The following DMRT1 variants were observed in gnomAD, a reference collection of about 807,000 sequenced individuals.
The protein encoded by DMRT1 is doublesex- and mab-3-related transcription factor 1.
DMRT1 carries 7 observed loss-of-function variants against 32.3 expected under a neutral mutation model. That is an observed-to-expected ratio of 0.22 (90% CI 0.12 to 0.41). The LOEUF is 0.41. DMRT1 is among the 10% of genes least tolerant of loss of function. DMRT1 has a pLI of 1.00. For synonymous variants in DMRT1, 278 were observed against 206.1 expected, an observed-to-expected ratio of 1.35 and a Z score of -2.99; for missense variants, 625 against 500.5, an observed-to-expected ratio of 1.25 and a Z score of -2.37.
chr9:910,963 A>T (rs1008207931), intron 3 of DMRT1, among the ~76,000 whole-genome samples: 6 of 152,144 alleles, frequency 3.9e-5, no homozygotes, highest in African/African-American at 1.4e-4. Flanking sequence ...AGAAAAATAT[A>T]TATCCCTTTA....
At chr9:898,152 C>T (rs1586586002) in intron 3 of DMRT1, among the ~76,000 whole-genome samples, 2 of 150,248 alleles carry the variant, frequency 1.3e-5, no homozygotes, top group East Asian at 4.1e-4. Context: ...CAGGGCCTCA[C>T]TCTGTCATTC....
At chr9:880,524 C>G (rs1038205741) in intron 2 of DMRT1, among the ~76,000 whole-genome samples, 1 of 151,754 alleles carries the variant, frequency 6.6e-6, no homozygotes, top group Non-Finnish European at 1.5e-5. Context: ...GTCAGGAGTT[C>G]GAGACCAGCC....
Position 901,570 on chromosome 9 carries a change from G to A in DMRT1, c.822+7375G>A, listed in dbSNP as rs528855962. Reference sequence around the variant, plus strand: ...TTGAGCTCCTGACCTCAGGTGATCCGCCTGCCTTGGCCTCCCAAAGTGCTG... The same window carrying A: ...TTGAGCTCCTGACCTCAGGTGATCCACCTGCCTTGGCCTCCCAAAGTGCTG... On this transcript the variant is annotated intron_variant, in intron 3 of 4. Transcript: ENST00000382276. Among the ~76,000 whole-genome samples, 17 of 152,162 alleles carry A rather than the reference G, an allele frequency of 1.1e-4. No homozygotes were observed. In the East Asian group the frequency reaches 1.2e-3, roughly 10 times the overall value.
intron 2 of DMRT1, among the ~76,000 whole-genome samples, chr9:870,928 G>A (rs7858889): frequency 0.15 from 22,744 of 151,118 alleles, 1,921 homozygotes; most frequent in African/African-American, 0.22. Context: ...TGCCCAGGCT[G>A]GTTTTAAACT....
intron 2 of DMRT1, among the ~76,000 whole-genome samples, chr9:852,544 C>T (rs763022929): frequency 9.9e-5 from 15 of 152,154 alleles, no homozygotes; most frequent in Non-Finnish European, 1.5e-4. Flanking sequence ...CTGTTTGACA[C>T]AGTACTTAAT....
At chr9:948,843 G>T (rs1370850476) in intron 4 of DMRT1, among the ~76,000 whole-genome samples, 3 of 151,482 alleles carry the variant, frequency 2.0e-5, no homozygotes, top group Non-Finnish European at 4.4e-5. Context: ...ATCACTTGAG[G>T]TCAGGAGTTC....
intron 4 of DMRT1, among the ~76,000 whole-genome samples, chr9:952,652 G>A (rs1278073730): frequency 1.3e-5 from 2 of 152,124 alleles, no homozygotes; most frequent in African/African-American, 2.4e-5. Flanking sequence ...CCTGAGCTTC[G>A]AAGCCAGCCA....
chr9:871,178 C>T (rs1329277757), intron 2 of DMRT1, among the ~76,000 whole-genome samples: 1 of 151,472 alleles, frequency 6.6e-6, no homozygotes, highest in African/African-American at 2.4e-5. Flanking sequence ...GGACTACAGG[C>T]GTGTGCACCA....
chr9:950,401 A>C (rs1398081010), intron 4 of DMRT1, among the ~76,000 whole-genome samples: 1 of 152,122 alleles, frequency 6.6e-6, no homozygotes, highest in Admixed American at 6.6e-5. Flanking sequence ...TCTTGTGAAC[A>C]GTCCCACATT....
At chr9:843,633 C>T (rs1437202881) in intron 1 of DMRT1, among the ~76,000 whole-genome samples, 2 of 152,084 alleles carry the variant, frequency 1.3e-5, no homozygotes, top group Admixed American at 1.3e-4. Context: ...TTTTGGAAGG[C>T]AGTAATCCAC....
chr9:894,596 G>A (rs1371910181), intron 3 of DMRT1: 2 of 305,188 alleles, frequency 6.6e-6, no homozygotes, highest in African/African-American at 4.3e-5. Context: ...ACTTTCGTTG[G>A]GCACCTTAGA....
intron 4 of DMRT1, among the ~76,000 whole-genome samples, chr9:936,534 C>T (rs1459680032): frequency 6.6e-6 from 1 of 152,030 alleles, no homozygotes; most frequent in Non-Finnish European, 1.5e-5. Flanking sequence ...GGTGGATCAC[C>T]TGAGGTCAGG....
At chr9:844,209 C>A (rs1242045057) in intron 1 of DMRT1, among the ~76,000 whole-genome samples, 2 of 152,176 alleles carry the variant, frequency 1.3e-5, no homozygotes, top group Non-Finnish European at 2.9e-5. Context: ...TGGGAAACTT[C>A]AGTATTTTCT....
chr9:899,103 T>C lies in DMRT1; in HGVS notation c.822+4908T>C, dbSNP rs552662324. On this transcript the variant is annotated intron_variant, in intron 3 of 4. Transcript: ENST00000382276. ...CTAACTAATTTTTGTATGTTGATTT[T>C]TGTATCCTGTAGGATAACTCCTTTC... Among the ~76,000 whole-genome samples the C allele has an allele frequency of 2.0e-5, 3 of 152,296 alleles. No individual in the cohort carries two copies. The East Asian group carries it at 5.8e-4, about 29-fold the overall frequency.
intron 1 of DMRT1, among the ~76,000 whole-genome samples, chr9:843,305 G>C (rs1276036962): frequency 6.6e-6 from 1 of 152,254 alleles, no homozygotes; most frequent in Non-Finnish European, 1.5e-5. Flanking sequence ...AGCGTTGCGC[G>C]GTTTCCCTGC....
intron 2 of DMRT1, among the ~76,000 whole-genome samples, chr9:853,477 T>TG (rs1790987891): frequency 1.4e-5 from 2 of 146,138 alleles, no homozygotes; most frequent in Admixed American, 1.3e-4. Flanking sequence ...TTTAATTAAT[T>TG]TTTTTTTTTT....
intron 4 of DMRT1, among the ~76,000 whole-genome samples, chr9:926,394 T>C (rs1311448755): frequency 6.6e-6 from 1 of 152,222 alleles, no homozygotes; most frequent in Non-Finnish European, 1.5e-5. Context: ...CACAATCAGC[T>C]ACTTTCAAAA....
intron 4 of DMRT1, among the ~76,000 whole-genome samples, chr9:932,096 T>C (rs1818744557): frequency 6.6e-6 from 1 of 152,146 alleles, no homozygotes; most frequent in African/African-American, 2.4e-5. Context: ...AACGCAGTGG[T>C]CACTCACACC....
At chr9:851,251 T>C (rs1391878369) in intron 2 of DMRT1, among the ~76,000 whole-genome samples, 1 of 152,108 alleles carries the variant, frequency 6.6e-6, no homozygotes, top group East Asian at 1.9e-4. Flanking sequence ...TATTTATTTA[T>C]TTTTTGAGAC....
Sources: allele counts gnomAD v4.1 joint callset (sites outside exome capture counted in the v4.1 genomes callset), GRCh38; gene constraint gnomAD v4.1.1; transcripts MANE v1.5; gene names NCBI Gene and HGNC (gene_info 2026-07-23, HGNC 2026-07-21).